Variants in CDC42BPA observed in about 807,000 individuals in gnomAD.
The protein encoded by CDC42BPA is CDC42 binding protein kinase alpha, also known as serine/threonine-protein kinase MRCK alpha.
CDC42BPA carries 80 observed loss-of-function variants against 223.5 expected under a neutral mutation model. The ratio of observed to expected loss-of-function variants is 0.36; its 90% CI spans 0.30 to 0.43. The LOEUF (loss-of-function observed/expected upper bound fraction) is 0.43. CDC42BPA is among the 20% of genes least tolerant of loss of function. The pLI, the probability that CDC42BPA is intolerant of heterozygous loss-of-function variation, is 1.00. For missense variants in CDC42BPA, 1,743 were observed against 2,099.9 expected, an observed-to-expected ratio of 0.83 and a Z score of 3.32; for synonymous variants, 694 against 718.6, an observed-to-expected ratio of 0.97 and a Z score of 0.55.
intron 16 of CDC42BPA, among the ~76,000 whole-genome samples, chr1:227,088,485 C>T (rs1682418153): frequency 6.6e-6 from 1 of 152,022 alleles, no homozygotes; most frequent in South Asian, 2.1e-4. Flanking sequence ...TAAGGATATA[C>T]CTGGAAAGGA....
chr1:227,192,906 C>T (rs923586365), intron 5 of CDC42BPA, among the ~76,000 whole-genome samples: 4 of 152,128 alleles, frequency 2.6e-5, no homozygotes, highest in Admixed American at 6.5e-5. Context: ...GAACCTATGA[C>T]TTATGGTCTA....
chr1:227,102,382 T>C (rs1685195302), intron 14 of CDC42BPA, among the ~76,000 whole-genome samples: 1 of 152,168 alleles, frequency 6.6e-6, no homozygotes, highest in Non-Finnish European at 1.5e-5. Flanking sequence ...TCTGCTTAAC[T>C]TGAGAAGAAC....
chr1:227,275,371 T>A (rs1686753644), intron 1 of CDC42BPA, among the ~76,000 whole-genome samples: 1 of 151,350 alleles, frequency 6.6e-6, no homozygotes, highest in Non-Finnish European at 1.5e-5. Flanking sequence ...ATGCTAAAAA[T>A]TAACAAGCTA....
At chr1:227,137,380 T>G (rs1056674697) in intron 10 of CDC42BPA, among the ~76,000 whole-genome samples, 1 of 151,904 alleles carries the variant, frequency 6.6e-6, no homozygotes, top group African/African-American at 2.4e-5. Flanking sequence ...TGGTGAGGAG[T>G]TGAAGACAGT....
intron 5 of CDC42BPA, among the ~76,000 whole-genome samples, chr1:227,184,344 T>C (rs1668416134): frequency 6.6e-6 from 1 of 152,108 alleles, no homozygotes; most frequent in African/African-American, 2.4e-5. Context: ...ATGACCCATT[T>C]TGAATTAATT....
chr1:227,265,173 A>T lies in CDC42BPA; in HGVS notation c.179-11018T>A. ...CAACCACTTCCACAGTGGTAGGAAG[A>T]CCAGCAGCACAAACACCAAAGCGTG... On this transcript the variant is annotated intron_variant, in intron 1 of 36. Coordinates refer to ENST00000366766, the MANE Select transcript of CDC42BPA (RefSeq NM_001394014.1). 1.3e-5 allele frequency: 9 copies of T among 678,442 alleles called. No individual in the cohort carries two copies. The South Asian group carries it at 1.4e-4, about 11-fold the overall frequency. The allele number at this position is 678,442 out of a possible 1,614,324, so 42.0% of individuals were successfully genotyped here. A position where few individuals can be genotyped will look rare whatever the true frequency, so the allele number is the denominator to read the frequency against.
intron 3 of CDC42BPA, among the ~76,000 whole-genome samples, chr1:227,202,852 C>T (rs1672027405): frequency 6.6e-6 from 1 of 151,802 alleles, no homozygotes; most frequent in African/African-American, 2.4e-5. Flanking sequence ...ATCACATGAG[C>T]CTAGGAGTTT....
At position 227,034,677 on chromosome 1, in the gene CDC42BPA, T is replaced by C; in HGVS notation, c.3454A>G (p.Ile1152Val). 2 of 1,613,096 alleles carry C rather than the reference T, an allele frequency of 1.2e-6. No homozygotes were observed. Among genetic ancestry groups the C allele is most frequent in the Non-Finnish European group, 1.7e-6 (2 of 1,179,418 alleles). Reference protein sequence around the residue: ...EGKASQPSVVISQVIDMRDEE... With the variant: ...EGKASQPSVVVSQVIDMRDEE... Reference sequence around the variant, plus strand: ...TACCTCATGTCAATCACTTGACTAATGACAACACTGGGCTGAGATGCTTTT... The same window carrying C: ...TACCTCATGTCAATCACTTGACTAACGACAACACTGGGCTGAGATGCTTTT... Residue 1152 changes from isoleucine to valine, a missense_variant, in exon 26 of 37, where the codon ATT becomes GTT. By Grantham distance (29) the Ile-to-Val change is conservative (BLOSUM62 3). Around this residue, in one of 6 missense-constraint regions of CDC42BPA, gnomAD observed 678 missense variants for 777.5 expected, o/e 0.87. Coordinates refer to ENST00000366766, the MANE Select transcript of CDC42BPA (RefSeq NM_001394014.1).
At position 227,213,124 on chromosome 1, in the gene CDC42BPA, T is replaced by C; in HGVS notation, c.354+12A>G. On this transcript the variant is annotated intron_variant, in intron 3 of 36. Transcript: ENST00000366766. The stretch of plus-strand genomic sequence containing the variant: ...TAAAATATTTATATATTCCAATACA[T>C]AAGACTCTTACCTCAGCTCTTTTCA... The C allele has an allele frequency of 1.5e-6, 2 of 1,306,386 alleles. No homozygotes were observed. The highest frequency in any genetic ancestry group is 2.2e-6 in the Non-Finnish European group (2 of 917,368). The allele number at this position is 1,306,386 out of a possible 1,614,324, so 80.9% of individuals were successfully genotyped here.
At chr1:227,083,294 A>G (rs1316102267) in intron 16 of CDC42BPA, among the ~76,000 whole-genome samples, 2 of 151,976 alleles carry the variant, frequency 1.3e-5, no homozygotes, top group African/African-American at 2.4e-5. Context: ...TTTTTTTAAC[A>G]TATGCAGTCC....
At chr1:227,249,907 G>T (rs1176024844) in intron 2 of CDC42BPA, among the ~76,000 whole-genome samples, 2 of 152,150 alleles carry the variant, frequency 1.3e-5, no homozygotes, top group Non-Finnish European at 2.9e-5. Context: ...GGGGACTGTA[G>T]TCAATAATAA....
intron 9 of CDC42BPA, 109 bp from the exon 10 acceptor site, chr1:227,139,851 A>G (rs911271375): frequency 3.9e-6 from 2 of 519,258 alleles, no homozygotes; most frequent in Admixed American, 4.1e-5. Context: ...TTATGGCAAA[A>G]ACATTTTTAA....
At chr1:227,117,031 T>TC (rs1687874512) in intron 12 of CDC42BPA, among the ~76,000 whole-genome samples, 1 of 152,288 alleles carries the variant, frequency 6.6e-6, no homozygotes, top group East Asian at 1.9e-4. Context: ...GCTTCTTTCC[T>TC]CTATATAAGC....
chr1:227,096,210 T>C (rs1272925386), intron 15 of CDC42BPA, among the ~76,000 whole-genome samples: 5 of 152,214 alleles, frequency 3.3e-5, no homozygotes, highest in Admixed American at 3.3e-4. Flanking sequence ...TTAAATTTAG[T>C]TATGTTTAGG....
intron 3 of CDC42BPA, among the ~76,000 whole-genome samples, chr1:227,204,258 C>A (rs1003221551): frequency 2.1e-4 from 32 of 152,128 alleles, no homozygotes; most frequent in African/African-American, 7.7e-4. Flanking sequence ...TATTTCATGG[C>A]CAAATCAAAC....
At chr1:227,204,766 T>C (rs1040277887) in intron 3 of CDC42BPA, among the ~76,000 whole-genome samples, 4 of 152,146 alleles carry the variant, frequency 2.6e-5, no homozygotes, top group Non-Finnish European at 4.4e-5. Context: ...GCCAAACACA[T>C]GCAGATAGAT....
rs555502522 is a variant in CDC42BPA, at chr1:227,064,965, T to C, written c.2904+4812A>G. The stretch of plus-strand genomic sequence containing the variant: ...ACAAAAAATTAGCCGGGCGTGGTGG[T>C]GGGCACCTGTGGTCCCAGCTACTCG... On this transcript the variant is annotated intron_variant, in intron 21 of 36. Transcript: ENST00000366766. Among the ~76,000 whole-genome samples the C allele has an allele frequency of 2.4e-4, 36 of 152,002 alleles. No individual in the cohort carries two copies. In the East Asian group the frequency reaches 3.3e-3, roughly 14 times the overall value.
intron 2 of CDC42BPA, among the ~76,000 whole-genome samples, chr1:227,215,779 T>A (rs1174900476): frequency 6.6e-6 from 1 of 152,146 alleles, no homozygotes; most frequent in Non-Finnish European, 1.5e-5. Context: ...AATAAAAAAA[T>A]CTTTCATCTC....
chr1:227,116,065 G>A (rs1687736220), intron 12 of CDC42BPA, among the ~76,000 whole-genome samples: 2 of 152,054 alleles, frequency 1.3e-5, no homozygotes. Flanking sequence ...TCTGTGCTTG[G>A]TCTCACCATT....
Sources: allele counts gnomAD v4.1 joint callset (sites outside exome capture counted in the v4.1 genomes callset), GRCh38; gene constraint gnomAD v4.1.1; regional missense constraint gnomAD v4.1.1; transcripts MANE v1.5; gene names NCBI Gene and HGNC (gene_info 2026-07-23, HGNC 2026-07-21).